GIPC1: variants seen among roughly 807,000 people sequenced by gnomAD.
The protein encoded by GIPC1 is PDZ domain-containing protein GIPC1.
In GIPC1, 15 loss-of-function variants were observed where a neutral mutation model predicts 28.5. That is an observed-to-expected ratio of 0.53 (90% CI 0.35 to 0.81). GIPC1 has a LOEUF of 0.81. Among genes scored for constraint, GIPC1 ranks in the 30% least tolerant of loss-of-function variants. GIPC1 has a pLI of 0.01. For missense variants in GIPC1, 439 were observed against 481.9 expected, an observed-to-expected ratio of 0.91 and a Z score of 0.83; for synonymous variants, 224 against 206.1, an observed-to-expected ratio of 1.09 and a Z score of -0.74.
chr19:14,479,618 C>G (rs2071681106), intron 6 of GIPC1, 94 bp from the exon 7 acceptor site: 1 of 595,942 alleles, frequency 1.7e-6, no homozygotes, highest in Non-Finnish European at 2.7e-6. Flanking sequence ...ACCACCACCC[C>G]AAACTTCTCC....
intron 3 of GIPC1, among the ~76,000 whole-genome samples, chr19:14,489,125 G>A (rs1027096248): frequency 3.3e-5 from 5 of 151,904 alleles, no homozygotes; most frequent in African/African-American, 9.7e-5. Context: ...GTCTCACTAC[G>A]TTGCCCAGAT....
chr19:14,485,702 T>TATATATATATAGAGAGAG (rs1300117748), intron 3 of GIPC1, among the ~76,000 whole-genome samples: 25 of 58,776 alleles, frequency 4.3e-4, no homozygotes, highest in Admixed American at 1.1e-3. Context: ...TATATATATA[T>TATATATATATAGAGAGAG]AGAGAGAGAG....
At chr19:14,495,939 G>A (rs1302341774) in intron 1 of GIPC1, 98 bp downstream of exon 1, 5 of 139,248 alleles carry the variant, frequency 3.6e-5, no homozygotes, top group African/African-American at 5.4e-5. Flanking sequence ...TCGCGTCCAC[G>A]GCGCCGGCCC....
Position 14,480,456 on chromosome 19 carries a change from G to A in GIPC1, c.504C>T (p.His168=). The stretch of plus-strand genomic sequence containing the variant: ...TGTCGCCCACGCTGATGAGGTGGAT[G>A]TGGTCGATCACGCTGCCCTCCTTGA... The part of the protein sequence containing the change: ...KRIKEGSVID[H]IHLISVGDMI... Residue 168 remains histidine (H), a synonymous_variant, in exon 6 of 9, where the codon CAC becomes CAT. Coordinates refer to ENST00000393033, the MANE Select transcript of GIPC1 (RefSeq NM_005716.4). The A allele has an allele frequency of 6.2e-7, 1 of 1,613,430 alleles. No individual in the cohort carries two copies. The highest frequency in any genetic ancestry group is 1.7e-5 in the Admixed American group (1 of 60,000).
chr19:14,488,447 T>A (rs1362889978), intron 3 of GIPC1, among the ~76,000 whole-genome samples: 1 of 147,352 alleles, frequency 6.8e-6, no homozygotes, highest in African/African-American at 2.5e-5. Context: ...CGAGACTCCA[T>A]CTCAAAAAAA....
intron 3 of GIPC1, chr19:14,483,236 A>C: frequency 2.3e-6 from 1 of 438,442 alleles, no homozygotes. Context: ...TGGGCGGATC[A>C]CTTGAGGTCA....
chr19:14,487,685 C>T (rs8113695), intron 3 of GIPC1, among the ~76,000 whole-genome samples: 7 of 130,502 alleles, frequency 5.4e-5, no homozygotes, highest in East Asian at 2.1e-4. Flanking sequence ...CTTTATTTTC[C>T]TTTTTTTTTT....
At chr19:14,486,062 G>A (rs1313937102) in intron 3 of GIPC1, among the ~76,000 whole-genome samples, 3 of 152,058 alleles carry the variant, frequency 2.0e-5, no homozygotes, top group Admixed American at 6.6e-5. Context: ...GAGCCACTGC[G>A]CCTGGCAAGG....
Position 14,479,073 on chromosome 19 carries a change from G to A in GIPC1, c.769-308C>T, listed in dbSNP as rs961067625. 2.0e-5 allele frequency among the ~76,000 whole-genome samples: 3 copies of A among 152,224 alleles called. No homozygotes were observed. The South Asian group carries it at 6.2e-4, about 32-fold the overall frequency. ...TGAAAAGGAAGGGAGGGCTGGGCGCGGTGGCTCATGCCTATAATCCCAGCA... is the reference window on the plus strand; with the variant it reads ...TGAAAAGGAAGGGAGGGCTGGGCGCAGTGGCTCATGCCTATAATCCCAGCA... On this transcript the variant is annotated intron_variant, in intron 7 of 8. Transcript: ENST00000393033.
rs372378787 is a variant in GIPC1, at chr19:14,479,397, G to A, written c.768+15C>T. Reference sequence around the variant, plus strand: ...GGAAGGGATGCCGGAGATAGGGTCCGGCTGGAGCACTCACCAGATCCTCCA... The same window carrying A: ...GGAAGGGATGCCGGAGATAGGGTCCAGCTGGAGCACTCACCAGATCCTCCA... On this transcript the variant is annotated intron_variant, in intron 7 of 8. Coordinates refer to ENST00000393033, the MANE Select transcript of GIPC1 (RefSeq NM_005716.4). The A allele has an allele frequency of 4.7e-5, 53 of 1,134,036 alleles. No homozygotes were observed. Among genetic ancestry groups the A allele is most frequent in the Admixed American group, 2.2e-4 (6 of 27,512 alleles). The allele number at this position is 1,134,036 out of a possible 1,614,324, so 70.2% of individuals were successfully genotyped here.
In GIPC1 at chr19:14,477,789, G is replaced by A. The variant is rs371618677; in HGVS notation, c.*627C>T. 11 of 152,636 alleles carry A rather than the reference G, an allele frequency of 7.2e-5. No homozygotes were observed. The highest frequency in any genetic ancestry group is 2.7e-4 in the African/African-American group (11 of 41,420). The allele number at this position is 152,636 out of a possible 1,614,324, so 9.5% of individuals were successfully genotyped here. On this transcript the variant is annotated 3_prime_UTR_variant, in exon 9 of 9. Coordinates refer to ENST00000393033, the MANE Select transcript of GIPC1 (RefSeq NM_005716.4). Reference sequence around the variant, plus strand: ...CAGCAGATAGATTCTTTATGTTCAAGACAGCAAATTCAGATACAAAAACCC... The same window carrying A: ...CAGCAGATAGATTCTTTATGTTCAAAACAGCAAATTCAGATACAAAAACCC...
At chr19:14,486,388 G>C (rs993661780) in intron 3 of GIPC1, among the ~76,000 whole-genome samples, 3 of 152,148 alleles carry the variant, frequency 2.0e-5, no homozygotes, top group Non-Finnish European at 2.9e-5. Flanking sequence ...GCCTCCTTGT[G>C]ACTGGGCAGA....
At chr19:14,486,918 G>A (rs939893052) in intron 3 of GIPC1, among the ~76,000 whole-genome samples, 1 of 151,738 alleles carries the variant, frequency 6.6e-6, no homozygotes, top group African/African-American at 2.4e-5. Flanking sequence ...TTACAGGCAT[G>A]AGCCACCGCG....
chr19:14,486,353 CCAAA>C (rs2071843548), intron 3 of GIPC1, among the ~76,000 whole-genome samples: 5 of 152,200 alleles, frequency 3.3e-5, no homozygotes, highest in Non-Finnish European at 5.9e-5. Context: ...CCCCTTTGGA[CCAAA>C]CAGGTGGATG....
Position 14,480,383 on chromosome 19 carries a change from C to G in GIPC1, c.577G>C (p.Glu193Gln), listed in dbSNP as rs1568360793. 1 of 1,612,984 alleles carries G rather than the reference C, an allele frequency of 6.2e-7. No homozygotes were observed. Among genetic ancestry groups the G allele is most frequent in the South Asian group, 1.1e-5 (1 of 91,038 alleles). ...GQSLLGCRHY[E>Q]VARLLKELPR... ...AGCTCCTTGAGCAGCCGGGCCACCTCGTAGTGCCGGCAGCCCAGCAGGCTC... is the reference window on the plus strand; with the variant it reads ...AGCTCCTTGAGCAGCCGGGCCACCTGGTAGTGCCGGCAGCCCAGCAGGCTC... The change falls in exon 6 of 9, where the codon GAG (glutamate) becomes CAG (glutamine). Residue 193 changes from glutamate (E) to glutamine (Q), a missense_variant. Coordinates refer to ENST00000393033, the MANE Select transcript of GIPC1 (RefSeq NM_005716.4).
intron 3 of GIPC1, among the ~76,000 whole-genome samples, chr19:14,484,730 C>A (rs776917762): frequency 1.1e-4 from 16 of 151,606 alleles, no homozygotes; most frequent in Non-Finnish European, 1.9e-4. Flanking sequence ...CAGAATGACA[C>A]TCCATCTCAA....
rs1300117748 is a variant in GIPC1, at chr19:14,485,702, T to TATATATATATATAGAGAG, written c.-30-2697_-30-2696insCTCTCTATATATATATAT. Among the ~76,000 whole-genome samples, 43 of 58,760 alleles carry TATATATATATATAGAGAG rather than the reference T, an allele frequency of 7.3e-4. 1 individual carries two copies. The highest frequency in any genetic ancestry group is 2.9e-3 in the Admixed American group (13 of 4,530). The allele number at this position is 58,760 out of a possible 152,430, so 38.5% of individuals were successfully genotyped here. A position where few individuals can be genotyped will look rare whatever the true frequency, so the allele number is the denominator to read the frequency against. On this transcript the variant is annotated intron_variant, in intron 3 of 8. Coordinates refer to ENST00000393033, the MANE Select transcript of GIPC1 (RefSeq NM_005716.4). ...ATAAACAAATATATATATATATATA[T>TATATATATATATAGAGAG]AGAGAGAGAGAGAGAGAGAGAGAGA...
chr19:14,490,468 G>C (rs1412399768), intron 3 of GIPC1, among the ~76,000 whole-genome samples: 1 of 151,248 alleles, frequency 6.6e-6, no homozygotes. Context: ...ACCTGAGGTC[G>C]AGAGTTCGAG....
At chr19:14,493,287 C>T (rs2072008597) in intron 1 of GIPC1, among the ~76,000 whole-genome samples, 1 of 152,238 alleles carries the variant, frequency 6.6e-6, no homozygotes, top group Non-Finnish European at 1.5e-5. Context: ...GATGGCATCA[C>T]TGCCCTGCCT....
Sources: allele counts gnomAD v4.1 joint callset (sites outside exome capture counted in the v4.1 genomes callset), GRCh38; gene constraint gnomAD v4.1.1; transcripts MANE v1.5; gene names NCBI Gene and HGNC (gene_info 2026-07-23, HGNC 2026-07-21).